RNF216: variants seen among roughly 807,000 people sequenced by gnomAD.
RNF216 encodes E3 ubiquitin-protein ligase RNF216.
A neutral mutation model predicts 110.8 loss-of-function variants in RNF216; 72 were observed. The observed-to-expected ratio is 0.65, with a 90% confidence interval of 0.54 to 0.79. The LOEUF (loss-of-function observed/expected upper bound fraction) is 0.79. Among genes scored for constraint, RNF216 ranks in the 30% least tolerant of loss-of-function variants. The pLI is 0.00. For missense variants in RNF216, 1,342 were observed against 1,141.2 expected, an observed-to-expected ratio of 1.18 and a Z score of -2.54; for synonymous variants, 495 against 407.5, an observed-to-expected ratio of 1.21 and a Z score of -2.59.
intron 5 of RNF216, among the ~76,000 whole-genome samples, chr7:5,734,076 C>T (rs1334778440): frequency 6.6e-6 from 1 of 152,158 alleles, no homozygotes; most frequent in Admixed American, 6.5e-5. Context: ...AAATCTCCAA[C>T]AAACAATTCT....
rs148105914 is a variant in RNF216, at chr7:5,630,287, C to A, written c.2383-6162G>T. On this transcript the variant is annotated intron_variant, in intron 15 of 16. Coordinates refer to ENST00000389902, the MANE Select transcript of RNF216 (RefSeq NM_207111.4). The stretch of plus-strand genomic sequence containing the variant: ...AGAACTACAACTCTGGGGCTCCAGA[C>A]CTGGCTTGAGTGCATATGCAGCTCT... Among the ~76,000 whole-genome samples the A allele has an allele frequency of 5.6e-4, 86 of 152,234 alleles. 1 individual carries two copies. Among genetic ancestry groups the A allele is most frequent in the African/African-American group, 2.0e-3 (83 of 41,554 alleles).
intron 13 of RNF216, among the ~76,000 whole-genome samples, chr7:5,681,077 T>C (rs1790622539): frequency 6.6e-6 from 1 of 152,092 alleles, no homozygotes; most frequent in Admixed American, 6.5e-5. Context: ...TCTCAGCTCC[T>C]GTGTTCTTAC....
chr7:5,768,150 C>G (rs1331254809), intron 1 of RNF216, among the ~76,000 whole-genome samples: 4 of 151,576 alleles, frequency 2.6e-5, no homozygotes, highest in Admixed American at 1.3e-4. Flanking sequence ...AATGTCCAGA[C>G]TTTGATTAAA....
chr7:5,675,494 T>G (rs779003851), intron 13 of RNF216, among the ~76,000 whole-genome samples: 2 of 151,954 alleles, frequency 1.3e-5, no homozygotes, highest in Non-Finnish European at 2.9e-5. Context: ...TTAAAAAAAT[T>G]AGCTGAGTGT....
chr7:5,700,966 T>C (rs1791927808), intron 13 of RNF216, among the ~76,000 whole-genome samples: 1 of 152,170 alleles, frequency 6.6e-6, no homozygotes, highest in Non-Finnish European at 1.5e-5. Flanking sequence ...TCTAGGCCCC[T>C]CCTGTACTCA....
intron 5 of RNF216, among the ~76,000 whole-genome samples, chr7:5,731,771 T>A (rs1250275299): frequency 6.6e-6 from 1 of 151,322 alleles, no homozygotes; most frequent in Non-Finnish European, 1.5e-5. Context: ...CCCTTTCTAC[T>A]GGTTCTCTTT....
At chr7:5,688,616 A>T (rs1791132199) in intron 13 of RNF216, among the ~76,000 whole-genome samples, 1 of 152,232 alleles carries the variant, frequency 6.6e-6, no homozygotes, top group African/African-American at 2.4e-5. Context: ...TATCCTTTAC[A>T]TTTATACAAA....
intron 13 of RNF216, among the ~76,000 whole-genome samples, chr7:5,662,118 G>C (rs556095688): frequency 8.5e-5 from 13 of 152,306 alleles, no homozygotes; most frequent in African/African-American, 3.1e-4. Flanking sequence ...AGCTGCAGCT[G>C]TGCAGGATGT....
Position 5,641,111 on chromosome 7 carries a change from A to C in RNF216, c.2382+43T>G, listed in dbSNP as rs533575193. On this transcript the variant is annotated intron_variant, in intron 15 of 16. Coordinates refer to ENST00000389902, the MANE Select transcript of RNF216 (RefSeq NM_207111.4). ...ATATTTGTCATAAAAATATATTTCT[A>C]TTTTCTCCCTATAAAGCAATAGGCA... The C allele has an allele frequency of 1.1e-5, 15 of 1,409,120 alleles. 1 individual carries two copies. In the South Asian group the frequency reaches 1.8e-4, roughly 17 times the overall value. 87.3% of individuals were successfully genotyped at this position (1,409,120 alleles called of 1,614,324 possible).
At chr7:5,641,948 G>A (rs1452248873) in intron 14 of RNF216, among the ~76,000 whole-genome samples, 2 of 148,876 alleles carry the variant, frequency 1.3e-5, no homozygotes, top group African/African-American at 5.0e-5. Context: ...CAGGAGAATC[G>A]CTTAAACCCG....
At chr7:5,636,527 G>A (rs1315283231) in intron 15 of RNF216, among the ~76,000 whole-genome samples, 1 of 152,158 alleles carries the variant, frequency 6.6e-6, no homozygotes, top group East Asian at 1.9e-4. Flanking sequence ...GATTCTTCCT[G>A]GCCCTGCTGG....
intron 1 of RNF216, among the ~76,000 whole-genome samples, chr7:5,766,038 C>G (rs1796192472): frequency 6.6e-6 from 1 of 151,472 alleles, no homozygotes; most frequent in Non-Finnish European, 1.5e-5. Context: ...GGAAACCAAT[C>G]CTTGGGAGAC....
intron 2 of RNF216, among the ~76,000 whole-genome samples, chr7:5,754,474 A>G (rs1795509946): frequency 1.3e-5 from 2 of 151,924 alleles, no homozygotes; most frequent in Non-Finnish European, 2.9e-5. Flanking sequence ...TTAATTGTGG[A>G]TTTTTAAGGA....
chr7:5,756,192 T>C (rs1214740129), intron 2 of RNF216, among the ~76,000 whole-genome samples: 1 of 152,206 alleles, frequency 6.6e-6, no homozygotes. Context: ...TCCTGCCTCC[T>C]GAGAAGGTGC....
intron 5 of RNF216, 44 bp downstream of exon 5, chr7:5,739,232 C>A: frequency 1.4e-6 from 2 of 1,452,682 alleles, no homozygotes; most frequent in South Asian, 1.5e-5. Flanking sequence ...ATATATTTTA[C>A]CACCACCACC....
chr7:5,661,717 C>A (rs1415529199), intron 13 of RNF216, among the ~76,000 whole-genome samples: 1 of 152,076 alleles, frequency 6.6e-6, no homozygotes. Flanking sequence ...GCATGAGAAT[C>A]GTTCGAACCT....
chr7:5,683,474 G>A (rs1056836321), intron 13 of RNF216, among the ~76,000 whole-genome samples: 2 of 152,060 alleles, frequency 1.3e-5, no homozygotes, highest in African/African-American at 2.4e-5. Context: ...GGTGGGTCCC[G>A]TATCACCCCC....
At chr7:5,777,899 C>G (rs1478508291) in intron 1 of RNF216, among the ~76,000 whole-genome samples, 1 of 152,134 alleles carries the variant, frequency 6.6e-6, no homozygotes, top group Non-Finnish European at 1.5e-5. Flanking sequence ...CTTCAACTGT[C>G]CAATGAAAAT....
chr7:5,704,964 C>A (rs1337595496), intron 13 of RNF216, among the ~76,000 whole-genome samples: 2 of 152,200 alleles, frequency 1.3e-5, no homozygotes, highest in African/African-American at 2.4e-5. Flanking sequence ...ATTCTCTCCA[C>A]TGCAAAACGT....
Sources: gnomAD v4.1 joint callset for allele counts (sites outside exome capture counted in the v4.1 genomes callset) on GRCh38, gnomAD v4.1.1 for gene constraint, MANE v1.5 for transcripts, NCBI Gene and HGNC (gene_info 2026-07-23, HGNC 2026-07-21) for gene names.